The following MALRD1 variants were observed in gnomAD, a reference collection of about 807,000 sequenced individuals.
The protein encoded by MALRD1 is MAM and LDL-receptor class A domain-containing protein 1.
Under a neutral mutation model 242.1 loss-of-function variants are expected in MALRD1, and 247 were observed. That is an observed-to-expected ratio of 1.02 (90% CI 0.92 to 1.13). The LOEUF is 1.13. Among genes scored for constraint, MALRD1 ranks in the 50% most tolerant of loss-of-function variants. The pLI is 0.00. For synonymous variants in MALRD1, 995 were observed against 866.6 expected, an observed-to-expected ratio of 1.15 and a Z score of -2.60; for missense variants, 2,989 against 2,533.1, an observed-to-expected ratio of 1.18 and a Z score of -3.86.
At chr10:19,058,018 A>G (rs966382826) in intron 1 of MALRD1, among the ~76,000 whole-genome samples, 1 of 152,232 alleles carries the variant, frequency 6.6e-6, no homozygotes, top group African/African-American at 2.4e-5. Flanking sequence ...ATTTCAGCTG[A>G]TTTGTATACA....
At chr10:19,298,727 C>T (rs188492728) in intron 21 of MALRD1, among the ~76,000 whole-genome samples, 3 of 151,976 alleles carry the variant, frequency 2.0e-5, no homozygotes, top group East Asian at 3.9e-4. Flanking sequence ...GCAGCATGAG[C>T]GGGTGAGAAG....
chr10:19,131,372 G>A (rs187711026), intron 8 of MALRD1, among the ~76,000 whole-genome samples: 1 of 152,204 alleles, frequency 6.6e-6, no homozygotes, highest in East Asian at 1.9e-4. Context: ...AAACTCAGGT[G>A]AAGGCAAGTT....
intron 18 of MALRD1, among the ~76,000 whole-genome samples, chr10:19,241,325 T>C (rs1275475587): frequency 6.6e-6 from 1 of 152,116 alleles, no homozygotes; most frequent in Non-Finnish European, 1.5e-5. Context: ...GTGCAGAAAT[T>C]TATTCATTTT....
intron 19 of MALRD1, among the ~76,000 whole-genome samples, chr10:19,262,151 T>C (rs1411521761): frequency 6.6e-6 from 1 of 152,220 alleles, no homozygotes; most frequent in African/African-American, 2.4e-5. Context: ...AATTATGAAT[T>C]ATACCTGATT....
At chr10:19,476,456 C>G (rs1036698005) in intron 29 of MALRD1, among the ~76,000 whole-genome samples, 1 of 152,078 alleles carries the variant, frequency 6.6e-6, no homozygotes, top group African/African-American at 2.4e-5. Flanking sequence ...AAGACATGCC[C>G]ACTGAGAGAC....
At chr10:19,376,416 G>T (rs1038944134) in intron 26 of MALRD1, among the ~76,000 whole-genome samples, 4 of 152,060 alleles carry the variant, frequency 2.6e-5, no homozygotes, top group Admixed American at 2.0e-4. Context: ...CAGACAGGAG[G>T]GGGAGGTCTC....
chr10:19,409,464 T>C (rs1198518282), intron 28 of MALRD1, among the ~76,000 whole-genome samples: 1 of 151,850 alleles, frequency 6.6e-6, no homozygotes, highest in Non-Finnish European at 1.5e-5. Context: ...TTAAAAAAAA[T>C]AAATGAAAAT....
chr10:19,681,154 G>A (rs1842355044), intron 36 of MALRD1, among the ~76,000 whole-genome samples: 2 of 152,000 alleles, frequency 1.3e-5, no homozygotes, highest in South Asian at 2.1e-4. Flanking sequence ...ATCTTACTGA[G>A]GTTCTCTTGA....
At chr10:19,118,616 T>C (rs1836956998) in intron 5 of MALRD1, among the ~76,000 whole-genome samples, 1 of 152,180 alleles carries the variant, frequency 6.6e-6, no homozygotes, top group Non-Finnish European at 1.5e-5. Flanking sequence ...GAAAATAGAC[T>C]GTAGATGTTT....
intron 4 of MALRD1, among the ~76,000 whole-genome samples, chr10:19,101,144 A>G (rs1029917370): frequency 4.0e-5 from 6 of 151,390 alleles, no homozygotes; most frequent in Non-Finnish European, 1.5e-5. Context: ...TACATTGTAC[A>G]AAGAAGAAAA....
At position 19,280,157 on chromosome 10, in the gene MALRD1, A is replaced by G. The variant is rs1272711710; in HGVS notation, c.3190A>G (p.Ile1064Val). The change falls in exon 20 of 40, where the codon ATT becomes GTT. Residue 1064 changes from isoleucine to valine, a missense_variant. Ile to Val is a conservative substitution (Grantham distance 29). Coordinates refer to ENST00000454679, the MANE Select transcript of MALRD1 (RefSeq NM_001142308.3). The stretch of plus-strand genomic sequence containing the variant: ...TATCTGCAGGTCTGATGGTCACTGC[A>G]TTGAAAAAATGCAGAAATGTGATTT... ...EFICRSDGHC[I>V]EKMQKCDFKY... is the part of the protein sequence containing the mutation. 3.2e-6 allele frequency: 5 copies of G among 1,545,548 alleles called. No homozygotes were observed. The highest frequency in any genetic ancestry group is 1.4e-5 in the African/African-American group (1 of 72,774).
At chr10:19,378,317 A>C (rs2130775719) in intron 26 of MALRD1, among the ~76,000 whole-genome samples, 1 of 152,276 alleles carries the variant, frequency 6.6e-6, no homozygotes, top group Admixed American at 6.5e-5. Flanking sequence ...ATAATGATGA[A>C]ATGAAATCCA....
At chr10:19,343,996 T>A (rs76118730) in intron 24 of MALRD1, among the ~76,000 whole-genome samples, 1 of 152,160 alleles carries the variant, frequency 6.6e-6, no homozygotes, top group African/African-American at 2.4e-5. Context: ...TTGCCCATTC[T>A]CTAATTAGAC....
intron 26 of MALRD1, among the ~76,000 whole-genome samples, chr10:19,370,808 C>T (rs765495182): frequency 6.6e-6 from 1 of 152,082 alleles, no homozygotes; most frequent in Non-Finnish European, 1.5e-5. Flanking sequence ...AACTCCTGAC[C>T]TCAAGTAATC....
chr10:19,419,446 C>T (rs771872059), intron 28 of MALRD1, among the ~76,000 whole-genome samples: 2 of 152,116 alleles, frequency 1.3e-5, no homozygotes, highest in Non-Finnish European at 2.9e-5. Context: ...AGGTGCATGC[C>T]ACCATGCCCA....
intron 36 of MALRD1, among the ~76,000 whole-genome samples, chr10:19,689,585 A>G (rs6482025): frequency 0.97 from 148,205 of 152,196 alleles, 72,188 homozygotes; most frequent in East Asian, 1. Flanking sequence ...GAAAGATGTG[A>G]AAACCATGTT....
intron 21 of MALRD1, among the ~76,000 whole-genome samples, chr10:19,284,159 A>C (rs1227530564): frequency 6.6e-6 from 1 of 152,176 alleles, no homozygotes; most frequent in Non-Finnish European, 1.5e-5. Context: ...TTGACTATTA[A>C]GGCTTTTGTC....
intron 32 of MALRD1, among the ~76,000 whole-genome samples, chr10:19,545,260 G>A (rs1835161831): frequency 6.6e-6 from 1 of 152,040 alleles, no homozygotes; most frequent in South Asian, 2.1e-4. Context: ...ACTTAATGAG[G>A]CCCTGTTTCA....
intron 2 of MALRD1, among the ~76,000 whole-genome samples, chr10:19,081,453 T>G (rs1466015261): frequency 6.6e-6 from 1 of 152,112 alleles, no homozygotes; most frequent in Non-Finnish European, 1.5e-5. Flanking sequence ...AATGAGATCA[T>G]GTCCTTTGCA....
Sources: gnomAD v4.1 joint callset for allele counts (sites outside exome capture counted in the v4.1 genomes callset) on GRCh38, gnomAD v4.1.1 for gene constraint, MANE v1.5 for transcripts, NCBI Gene and HGNC (gene_info 2026-07-23, HGNC 2026-07-21) for gene names.